CERT1: variants seen among roughly 807,000 people sequenced by gnomAD.
CERT1 encodes the protein ceramide transporter 1.
A neutral mutation model predicts 87.9 loss-of-function variants in CERT1; 31 were observed. That is an observed-to-expected ratio of 0.35 (90% confidence interval 0.27 to 0.48). CERT1 has a LOEUF of 0.48. CERT1 is among the 20% of genes least tolerant of loss of function. The pLI is 0.99. For synonymous variants in CERT1, 289 were observed against 250.9 expected (o/e 1.15, Z -1.44); for missense variants, 487 against 758.0 (o/e 0.64, Z 4.20).
At chr5:75,423,905 AG>A (rs1327932562) in intron 5 of CERT1, among the ~76,000 whole-genome samples, 2 of 152,174 alleles carry the variant, frequency 1.3e-5, no homozygotes, top group African/African-American at 4.8e-5. Flanking sequence ...AGGCAGAAAA[AG>A]GGAATATAGA....
intron 5 of CERT1, among the ~76,000 whole-genome samples, chr5:75,424,285 CTG>C (rs1763505716): frequency 6.6e-6 from 1 of 152,040 alleles, no homozygotes; most frequent in African/African-American, 2.4e-5. Context: ...AAGGGAGAGA[CTG>C]AGAGAGAGAG....
chr5:75,442,496 C>T (rs963170452), intron 3 of CERT1, among the ~76,000 whole-genome samples: 1 of 152,256 alleles, frequency 6.6e-6, no homozygotes, highest in Non-Finnish European at 1.5e-5. Context: ...GCTGGGATTA[C>T]AGGCAAGAGC....
At chr5:75,436,864 G>A (rs1377386750) in intron 3 of CERT1, among the ~76,000 whole-genome samples, 4 of 152,116 alleles carry the variant, frequency 2.6e-5, no homozygotes, top group African/African-American at 7.2e-5. Context: ...GATCTCACAG[G>A]CTCAGACAAT....
chr5:75,405,251 T>C (rs1762656416), intron 8 of CERT1, among the ~76,000 whole-genome samples: 1 of 152,182 alleles, frequency 6.6e-6, no homozygotes, highest in Non-Finnish European at 1.5e-5. Context: ...AAGAGTTCTC[T>C]ACCCTTAGAT....
chr5:75,392,969 CAAAAA>C (rs1198217217), intron 11 of CERT1, among the ~76,000 whole-genome samples: 2 of 8,688 alleles, frequency 2.3e-4, no homozygotes, highest in Non-Finnish European at 3.7e-4. Flanking sequence ...GACTCCGTCT[CAAAAA>C]AAAAAAAAAA....
intron 3 of CERT1, among the ~76,000 whole-genome samples, chr5:75,446,461 A>G (rs1764540587): frequency 6.6e-6 from 1 of 152,006 alleles, no homozygotes. Context: ...AGCTGCTTTA[A>G]AGTCTTTTGT....
At chr5:75,427,915 T>C (rs1763691700) in intron 3 of CERT1, among the ~76,000 whole-genome samples, 1 of 151,968 alleles carries the variant, frequency 6.6e-6, no homozygotes, top group Non-Finnish European at 1.5e-5. Context: ...TAATATCTAA[T>C]TATTTTTAGT....
chr5:75,430,209 T>A (rs921061020), intron 3 of CERT1, among the ~76,000 whole-genome samples: 31 of 152,206 alleles, frequency 2.0e-4, no homozygotes, highest in African/African-American at 7.0e-4. Flanking sequence ...GGTCACACTT[T>A]TTAATAATGC....
chr5:75,381,340 G>C (rs1761576764), intron 15 of CERT1, 139 bp from the exon 16 acceptor site: 1 of 956,006 alleles, frequency 1.0e-6, no homozygotes, highest in South Asian at 1.6e-5. Context: ...AAGCTGATAT[G>C]ACACCAGGAT....
intron 3 of CERT1, among the ~76,000 whole-genome samples, chr5:75,452,842 T>C (rs138307000): frequency 4.5e-4 from 68 of 152,308 alleles, no homozygotes; most frequent in African/African-American, 1.5e-3. Context: ...AAACCCTATC[T>C]TTAAAAATAA....
chr5:75,420,636 C>T (rs1763338993), intron 5 of CERT1, among the ~76,000 whole-genome samples: 1 of 152,162 alleles, frequency 6.6e-6, no homozygotes, highest in Admixed American at 6.5e-5. Flanking sequence ...TCCCTTTTCT[C>T]TAATTCCAGA....
intron 17 of CERT1, chr5:75,368,879 T>C (rs935097429): frequency 6.6e-6 from 1 of 152,078 alleles, no homozygotes; most frequent in Non-Finnish European, 1.5e-5. Context: ...TATGTGCTGA[T>C]AAGCCCACTG....
In CERT1 at chr5:75,478,909, TAAAAAAAAAAAAAAAAAAA is replaced by T. The variant is rs11438163; in HGVS notation, c.232-19747_232-19729del. On this transcript the variant is annotated intron_variant, in intron 2 of 16. Coordinates refer to ENST00000643780, the MANE Select transcript of CERT1 (RefSeq NM_001379029.1). ...AAATCTTGAGCTTGAAAGTAAGTACTAAAAAAAAAAAAAAAAAAAAAAAAAAAAAAGCCACACGCGTTTG... is the reference window on the plus strand; with the variant it reads ...AAATCTTGAGCTTGAAAGTAAGTACTAAAAAAAAAAAGCCACACGCGTTTG... Among the ~76,000 whole-genome samples, 15 of 21,766 alleles carry T rather than the reference TAAAAAAAAAAAAAAAAAAA, an allele frequency of 6.9e-4. No homozygotes were observed. In the Admixed American group the frequency reaches 8.6e-3, roughly 13 times the overall value. 14.3% of individuals were successfully genotyped at this position (21,766 alleles called of 152,430 possible). A position where few individuals can be genotyped will look rare whatever the true frequency, so the allele number is the denominator to read the frequency against.
intron 3 of CERT1, among the ~76,000 whole-genome samples, chr5:75,432,231 A>G (rs1444686583): frequency 6.6e-6 from 1 of 151,718 alleles, no homozygotes; most frequent in Non-Finnish European, 1.5e-5. Flanking sequence ...TTGTTTTTGT[A>G]TTTTTAGTAG....
At chr5:75,501,781 T>C (rs1767383421) in intron 2 of CERT1, among the ~76,000 whole-genome samples, 2 of 152,114 alleles carry the variant, frequency 1.3e-5, no homozygotes, top group Admixed American at 6.5e-5. Flanking sequence ...GGATACATAA[T>C]TAGTCATGTG....
intron 3 of CERT1, among the ~76,000 whole-genome samples, chr5:75,426,803 T>A (rs1763636999): frequency 6.6e-6 from 1 of 152,180 alleles, no homozygotes; most frequent in Admixed American, 6.5e-5. Context: ...TAGTTATTAT[T>A]TAATGGACAC....
chr5:75,391,040 A>T (rs1354449696), intron 11 of CERT1, among the ~76,000 whole-genome samples: 2 of 151,720 alleles, frequency 1.3e-5, no homozygotes, highest in Non-Finnish European at 2.9e-5. Context: ...ATCATAGCTC[A>T]CTGCCACTAC....
At chr5:75,395,781 C>T (rs546543595) in intron 11 of CERT1, among the ~76,000 whole-genome samples, 6 of 151,608 alleles carry the variant, frequency 4.0e-5, no homozygotes, top group Non-Finnish European at 7.4e-5. Context: ...ACCTGGGAGA[C>T]GGAGGTTGCA....
At chr5:75,374,081 G>A (rs1302846012), downstream of CERT1, 4 of 398,190 alleles carry the variant, frequency 1.0e-5, no homozygotes, top group Non-Finnish European at 1.8e-5. Context: ...ACAAGGCCAA[G>A]GTCTTGGGCC....
Sources: gnomAD v4.1 joint callset for allele counts (sites outside exome capture counted in the v4.1 genomes callset) on GRCh38, gnomAD v4.1.1 for gene constraint, MANE v1.5 for transcripts, NCBI Gene and HGNC (gene_info 2026-07-23, HGNC 2026-07-21) for gene names.